KANK1: variants seen among roughly 807,000 people sequenced by gnomAD.
KANK1 encodes the protein KN motif and ankyrin repeat domains 1, also known as KN motif and ankyrin repeat domain-containing protein 1.
In KANK1, 109 loss-of-function variants were observed where a neutral mutation model predicts 106.2. That is an observed-to-expected ratio of 1.03 (90% confidence interval 0.88 to 1.20). The LOEUF (loss-of-function observed/expected upper bound fraction) is 1.20. Among genes scored for constraint, KANK1 ranks in the 50% most tolerant of loss-of-function variants. The pLI is 0.00. For synonymous variants in KANK1, 873 were observed against 652.2 expected (o/e 1.34, Z -5.16); for missense variants, 2,399 against 1,710.7 (o/e 1.40, Z -7.10).
chr9:473,409 G>T (rs2058053099), intron 3 of KANK1: 1 of 152,196 alleles, frequency 6.6e-6, no homozygotes, highest in African/African-American at 2.4e-5. Context: ...TCATAAATTT[G>T]CAGTTGAAGT....
chr9:594,743 A>C (rs543164977), intron 1 of KANK1, among the ~76,000 whole-genome samples: 1 of 151,982 alleles, frequency 6.6e-6, no homozygotes, highest in Admixed American at 6.5e-5. Context: ...TGTTTCTAGA[A>C]TTTAAAAAAA....
At chr9:741,487 CTT>C (rs71314737) in intron 9 of KANK1, among the ~76,000 whole-genome samples, 1,258 of 109,456 alleles carry the variant, frequency 0.011, 12 homozygotes, top group African/African-American at 0.037. Flanking sequence ...CCACACCTGG[CTT>C]TTTTTTTTTT....
At position 669,731 on chromosome 9, in the gene KANK1, G is replaced by T. The variant is rs1021878184; in HGVS notation, c.-83-7159G>T. The stretch of plus-strand genomic sequence containing the variant: ...GTTTTATTTGGGTCAAATCTGTTTA[G>T]TGTTTTCTGACCTTCCTCTACCTGG... On this transcript the variant is annotated intron_variant, in intron 1 of 11. Coordinates refer to ENST00000382297, the MANE Select transcript of KANK1 (RefSeq NM_015158.5). Among the ~76,000 whole-genome samples, 7 of 152,066 alleles carry T rather than the reference G, an allele frequency of 4.6e-5. No individual in the cohort carries two copies. The South Asian group carries it at 1.5e-3, about 32-fold the overall frequency.
intron 1 of KANK1, among the ~76,000 whole-genome samples, chr9:645,306 G>C (rs1384984958): frequency 6.7e-6 from 1 of 149,058 alleles, no homozygotes; most frequent in African/African-American, 2.6e-5. Flanking sequence ...AAGCCATGGT[G>C]GTGGACATCT....
At chr9:663,059 C>T (rs7864832) in intron 1 of KANK1, among the ~76,000 whole-genome samples, 127,530 of 152,100 alleles carry the variant, frequency 0.84, 53,606 homozygotes, top group East Asian at 0.97. Context: ...CAGGCACACA[C>T]GAGCTTGTCA....
intron 1 of KANK1, 133 bp downstream of exon 1, chr9:504,887 C>G (rs1479206721): frequency 6.9e-6 from 1 of 145,304 alleles, no homozygotes; most frequent in African/African-American, 2.5e-5. Context: ...GCGCGGCGGC[C>G]GTGGCGGTGG....
chr9:592,648 A>C (rs1825256956), intron 1 of KANK1, among the ~76,000 whole-genome samples: 1 of 151,848 alleles, frequency 6.6e-6, no homozygotes, highest in African/African-American at 2.4e-5. Context: ...TATTTACCTT[A>C]TTGTAGTTTT....
intron 1 of KANK1, among the ~76,000 whole-genome samples, chr9:605,300 CAAAAAAA>C (rs34315668): frequency 9.4e-6 from 1 of 106,824 alleles, no homozygotes; most frequent in South Asian, 3.2e-4. Flanking sequence ...GACTCCGTCT[CAAAAAAA>C]AAAAAAAAAA....
At chr9:527,645 A>G (rs539009911) in intron 1 of KANK1, among the ~76,000 whole-genome samples, 2 of 151,076 alleles carry the variant, frequency 1.3e-5, no homozygotes, top group Admixed American at 6.6e-5. Flanking sequence ...GCTTCTGCAC[A>G]AGGTTACAAG....
At chr9:695,472 C>CTTG (rs3028271) in intron 2 of KANK1, among the ~76,000 whole-genome samples, 1 of 151,606 alleles carries the variant, frequency 6.6e-6, no homozygotes, top group Non-Finnish European at 1.5e-5. Flanking sequence ...CGTGTGCACA[C>CTTG]ACACATCCCC....
At chr9:511,094 C>A (rs7848411) in intron 1 of KANK1, among the ~76,000 whole-genome samples, 1 of 152,056 alleles carries the variant, frequency 6.6e-6, no homozygotes, top group South Asian at 2.1e-4. Context: ...AATATCGATA[C>A]AAAAGGTTCA....
intron 1 of KANK1, among the ~76,000 whole-genome samples, chr9:661,080 T>C (rs571955897): frequency 1.2e-3 from 54 of 46,260 alleles, no homozygotes; most frequent in African/African-American, 4.4e-3. Flanking sequence ...GGTTTTGAGG[T>C]TTGTTTGTTT....
intron 1 of KANK1, among the ~76,000 whole-genome samples, chr9:614,905 C>T (rs7033109): frequency 0.76 from 114,966 of 151,948 alleles, 44,033 homozygotes; most frequent in Non-Finnish European, 0.81. Context: ...ACATACAATT[C>T]TTAATATAGT....
chr9:558,181 A>C (rs1398823020), intron 1 of KANK1, among the ~76,000 whole-genome samples: 1 of 152,238 alleles, frequency 6.6e-6, no homozygotes. Context: ...AGCATAGCAA[A>C]GAAGTCTAGA....
At chr9:725,668 C>T (rs1249812502) in intron 3 of KANK1, among the ~76,000 whole-genome samples, 1 of 152,112 alleles carries the variant, frequency 6.6e-6, no homozygotes, top group Admixed American at 6.6e-5. Context: ...ACTTGGCCCC[C>T]ATCCCAGAAC....
At chr9:727,232 CAATT>C (rs1430173647) in intron 3 of KANK1, among the ~76,000 whole-genome samples, 1 of 151,992 alleles carries the variant, frequency 6.6e-6, no homozygotes, top group African/African-American at 2.4e-5. Flanking sequence ...AACTTTTAGA[CAATT>C]AAGTGAAATA....
At chr9:730,896 G>C (rs904899678) in intron 4 of KANK1, 2 of 284,846 alleles carry the variant, frequency 7.0e-6, no homozygotes, top group African/African-American at 4.5e-5. Context: ...AGTAAAGCCG[G>C]ATACAAATGT....
chr9:651,874 A>G (rs1205032418), intron 1 of KANK1, among the ~76,000 whole-genome samples: 1 of 152,234 alleles, frequency 6.6e-6, no homozygotes, highest in South Asian at 2.1e-4. Flanking sequence ...GAAATGAAAA[A>G]TAAATGTAGA....
intron 3 of KANK1, chr9:487,818 G>C (rs148087956): frequency 6.6e-6 from 1 of 152,160 alleles, no homozygotes; most frequent in Non-Finnish European, 1.5e-5. Context: ...GTTAGAGTTC[G>C]GCTTCCCAAA....
Sources: gnomAD v4.1 joint callset for allele counts (sites outside exome capture counted in the v4.1 genomes callset) on GRCh38, gnomAD v4.1.1 for gene constraint, MANE v1.5 for transcripts, NCBI Gene and HGNC (gene_info 2026-07-23, HGNC 2026-07-21) for gene names.